Variants in DLGAP2 observed in about 807,000 individuals in gnomAD.
DLGAP2 encodes disks large-associated protein 2.
Under a neutral mutation model 100.3 loss-of-function variants are expected in DLGAP2, and 26 were observed. The observed-to-expected ratio is 0.26, with a 90% CI of 0.19 to 0.36. The LOEUF is 0.36. DLGAP2 is among the 10% of genes least tolerant of loss of function. The probability of loss-of-function intolerance (pLI) is 1.00; values close to 1 mark genes in which losing one functional copy is unlikely to be tolerated. For missense variants in DLGAP2, 1,858 were observed against 1,453.2 expected (o/e 1.28, Z -4.53); for synonymous variants, 886 against 630.1 (o/e 1.41, Z -6.08).
intron 1 of DLGAP2, among the ~76,000 whole-genome samples, chr8:828,945 C>T (rs1796732469): frequency 6.6e-6 from 1 of 152,140 alleles, no homozygotes; most frequent in Non-Finnish European, 1.5e-5. Context: ...TGTATTAAAA[C>T]ATATTATTTT....
intron 3 of DLGAP2, among the ~76,000 whole-genome samples, chr8:1,489,918 G>C (rs1024497069): frequency 1.3e-5 from 2 of 151,992 alleles, no homozygotes; most frequent in Admixed American, 6.6e-5. Context: ...TTAAGATGGA[G>C]TCTCACTCTG....
chr8:1,385,796 T>G (rs1335570760), intron 3 of DLGAP2, among the ~76,000 whole-genome samples: 1 of 151,248 alleles, frequency 6.6e-6, no homozygotes, highest in Non-Finnish European at 1.5e-5. Context: ...ACCCGGCCTG[T>G]GCCCGGCCCC....
intron 3 of DLGAP2, among the ~76,000 whole-genome samples, chr8:1,499,464 A>G (rs1799644722): frequency 6.6e-6 from 1 of 152,210 alleles, no homozygotes; most frequent in Admixed American, 6.5e-5. Context: ...ACATATGACG[A>G]TGGTCTCCAT....
intron 2 of DLGAP2, among the ~76,000 whole-genome samples, chr8:1,023,855 A>ATGTGTGTGTGTGTG (rs1192338772): frequency 2.5e-3 from 150 of 59,356 alleles, no homozygotes; most frequent in African/African-American, 5.7e-3. Flanking sequence ...CAAACTTTAT[A>ATGTGTGTGTGTGTG]TATGTGTGTG....
At chr8:1,062,165 G>A (rs1425769194) in intron 2 of DLGAP2, among the ~76,000 whole-genome samples, 2 of 152,132 alleles carry the variant, frequency 1.3e-5, no homozygotes, top group African/African-American at 4.8e-5. Context: ...GAAGGAGCTT[G>A]CCTCTCCTGC....
At chr8:1,089,359 C>T (rs926382370) in intron 2 of DLGAP2, among the ~76,000 whole-genome samples, 4 of 152,246 alleles carry the variant, frequency 2.6e-5, no homozygotes, top group Non-Finnish European at 5.9e-5. Context: ...CCTTTTGACA[C>T]CAGCCAGCCG....
At chr8:944,633 T>A (rs938968174) in intron 2 of DLGAP2, among the ~76,000 whole-genome samples, 7 of 151,882 alleles carry the variant, frequency 4.6e-5, no homozygotes, top group Non-Finnish European at 8.8e-5. Context: ...CAGGGGGTGG[T>A]AACCAGTCAA....
chr8:1,098,303 G>T (rs1352045068), intron 2 of DLGAP2, among the ~76,000 whole-genome samples: 1 of 152,208 alleles, frequency 6.6e-6, no homozygotes, highest in Non-Finnish European at 1.5e-5. Context: ...ATGCAAAATG[G>T]CAAATGAGGT....
chr8:749,507 A>C (rs1037928717), intron 1 of DLGAP2, among the ~76,000 whole-genome samples: 1 of 152,178 alleles, frequency 6.6e-6, no homozygotes, highest in Non-Finnish European at 1.5e-5. Context: ...TGTATATTCA[A>C]AACATCCTTT....
At chr8:1,512,938 G>T (rs1800223501) in intron 4 of DLGAP2, among the ~76,000 whole-genome samples, 1 of 152,158 alleles carries the variant, frequency 6.6e-6, no homozygotes, top group African/African-American at 2.4e-5. Flanking sequence ...GGTGTCCCAG[G>T]CCACAGCGGA....
intron 3 of DLGAP2, among the ~76,000 whole-genome samples, chr8:1,268,164 A>G (rs769997391): frequency 6.6e-6 from 1 of 152,208 alleles, no homozygotes; most frequent in Non-Finnish European, 1.5e-5. Flanking sequence ...AGGTTCAGGT[A>G]TTCTGGCATT....
intron 4 of DLGAP2, among the ~76,000 whole-genome samples, chr8:1,527,569 T>C (rs1473794161): frequency 6.6e-6 from 1 of 152,242 alleles, no homozygotes; most frequent in Admixed American, 6.5e-5. Flanking sequence ...TTCCAGTGCA[T>C]TTCTGAGAGT....
intron 3 of DLGAP2, among the ~76,000 whole-genome samples, chr8:1,439,302 G>T (rs112727923): frequency 6.6e-6 from 1 of 152,202 alleles, no homozygotes; most frequent in African/African-American, 2.4e-5. Context: ...GACAGAGGCT[G>T]TGGGGGTTTT....
At chr8:1,329,915 C>T (rs1801109944) in intron 3 of DLGAP2, among the ~76,000 whole-genome samples, 1 of 152,244 alleles carries the variant, frequency 6.6e-6, no homozygotes, top group African/African-American at 2.4e-5. Context: ...CAAGCTGCAG[C>T]CGCCCTGCCG....
intron 3 of DLGAP2, among the ~76,000 whole-genome samples, chr8:1,363,172 C>T (rs908212456): frequency 4.6e-5 from 7 of 152,388 alleles, no homozygotes; most frequent in African/African-American, 1.4e-4. Context: ...AGCTGGCTGC[C>T]AGGCTGCGGG....
At chr8:1,270,512 C>T (rs1799559357) in intron 3 of DLGAP2, among the ~76,000 whole-genome samples, 1 of 152,216 alleles carries the variant, frequency 6.6e-6, no homozygotes, top group Non-Finnish European at 1.5e-5. Flanking sequence ...GAAATGCAGG[C>T]TCTAAGCCCA....
chr8:1,187,939 G>A (rs553581678), intron 2 of DLGAP2, among the ~76,000 whole-genome samples: 2 of 121,864 alleles, frequency 1.6e-5, no homozygotes, highest in Admixed American at 1.5e-4. Context: ...TTGCACGCCC[G>A]GGACTTCCGT....
chr8:890,418 A>G (rs1401489862), intron 1 of DLGAP2, among the ~76,000 whole-genome samples: 4 of 152,038 alleles, frequency 2.6e-5, no homozygotes, highest in Non-Finnish European at 5.9e-5. Flanking sequence ...CCCCATGGGA[A>G]TATAGTTCGG....
chr8:1,434,779 T>C (rs576989044), intron 3 of DLGAP2, among the ~76,000 whole-genome samples: 18 of 152,300 alleles, frequency 1.2e-4, no homozygotes, highest in East Asian at 3.9e-4. Context: ...CCGGCCGTCA[T>C]TGGCATTTTG....
Sources: gnomAD v4.1 joint callset for allele counts (sites outside exome capture counted in the v4.1 genomes callset) on GRCh38, gnomAD v4.1.1 for gene constraint, MANE v1.5 for transcripts, NCBI Gene and HGNC (gene_info 2026-07-23, HGNC 2026-07-21) for gene names.